Variants in RARB observed in about 807,000 individuals in gnomAD.
The protein encoded by RARB is HBV-activated protein.
In RARB, 17 loss-of-function variants were observed where a neutral mutation model predicts 51.9. The ratio of observed to expected loss-of-function variants is 0.33; its 90% CI spans 0.22 to 0.49. The LOEUF (loss-of-function observed/expected upper bound fraction) is 0.49. Among genes scored for constraint, RARB ranks in the 20% least tolerant of loss-of-function variants. The pLI is 0.99. For synonymous variants in RARB, 215 were observed against 195.4 expected, an observed-to-expected ratio of 1.10 and a Z score of -0.84; for missense variants, 369 against 550.8, an observed-to-expected ratio of 0.67 and a Z score of 3.30.
Position 25,460,879 on chromosome 3 carries a change from C to T in RARB, c.158-314C>T, listed in dbSNP as rs189667868. On this transcript the variant is annotated intron_variant, in intron 1 of 7. Coordinates refer to ENST00000330688, the MANE Select transcript of RARB (RefSeq NM_000965.5). ...CACTGCTCTGCTGGTCTTAGTTAGA[C>T]AAGTCACTTCCTTCCTTTGAGTTTC... Among the ~76,000 whole-genome samples, 5 of 152,282 alleles carry T rather than the reference C, an allele frequency of 3.3e-5. No homozygotes were observed. In the East Asian group the frequency reaches 9.6e-4, roughly 29 times the overall value.
intron 2 of RARB, among the ~76,000 whole-genome samples, chr3:24,887,621 G>A (rs1362120504): frequency 6.6e-6 from 1 of 152,206 alleles, no homozygotes; most frequent in African/African-American, 2.4e-5. Context: ...CTGTAGGCCA[G>A]CTTCTAGAAT....
Position 25,501,419 on chromosome 3 carries a change from G to A in RARB, c.448+96G>A, listed in dbSNP as rs149178059. The A allele has an allele frequency of 1.0e-3, 1,478 of 1,461,880 alleles. 20 individuals are homozygous for A. The East Asian group carries it at 0.026, about 26-fold the overall frequency. The allele number at this position is 1,461,880 out of a possible 1,614,324, so 90.6% of individuals were successfully genotyped here. On this transcript the variant is annotated intron_variant, in intron 3 of 7. Transcript: ENST00000330688. ...TGTGGAATTCACACACGACACTAACGAAATCTTGCCAAGGGTAGGTGTGAA... is the reference window on the plus strand; with the variant it reads ...TGTGGAATTCACACACGACACTAACAAAATCTTGCCAAGGGTAGGTGTGAA...
At chr3:25,046,110 C>G (rs1698208004) in intron 2 of RARB, among the ~76,000 whole-genome samples, 2 of 152,146 alleles carry the variant, frequency 1.3e-5, no homozygotes, top group African/African-American at 4.8e-5. Context: ...TGCAAACCCA[C>G]CATTTCTGGG....
intron 5 of RARB, among the ~76,000 whole-genome samples, chr3:25,341,537 G>A (rs1404150421): frequency 3.3e-5 from 5 of 152,126 alleles, no homozygotes; most frequent in African/African-American, 1.2e-4. Flanking sequence ...AAGGGTTGGG[G>A]TGAAAGATGG....
intron 2 of RARB, among the ~76,000 whole-genome samples, chr3:24,872,386 C>T (rs191067563): frequency 2.0e-4 from 31 of 152,296 alleles, no homozygotes; most frequent in Non-Finnish European, 3.4e-4. Context: ...CAAATCTCAC[C>T]TTCTCTATTA....
intron 3 of RARB, among the ~76,000 whole-genome samples, chr3:25,101,874 G>T (rs1426769226): frequency 6.6e-6 from 1 of 151,438 alleles, no homozygotes; most frequent in Non-Finnish European, 1.5e-5. Context: ...TTTATATCTT[G>T]GCTGCTCTAT....
At position 25,428,352 on chromosome 3, in the gene RARB, T is replaced by C. The variant is rs1708061895; in HGVS notation, c.-380T>C. On this transcript the variant is annotated 5_prime_UTR_variant, in exon 1 of 8. Transcript: ENST00000330688. Reference sequence around the variant, plus strand: ...GACCAGAATTCCCCCATGCGAGCTGTTTGAGGACTGGGATGCCGAGAACGC... The same window carrying C: ...GACCAGAATTCCCCCATGCGAGCTGCTTGAGGACTGGGATGCCGAGAACGC... 8.0e-7 allele frequency: 1 copy of C among 1,245,074 alleles called. No homozygotes were observed. The highest frequency in any genetic ancestry group is 1.5e-5 in the African/African-American group (1 of 64,794). 77.1% of individuals were successfully genotyped at this position (1,245,074 alleles called of 1,614,324 possible).
chr3:25,339,337 TG>T (rs1285736707), intron 5 of RARB, among the ~76,000 whole-genome samples: 1 of 152,214 alleles, frequency 6.6e-6, no homozygotes, highest in Non-Finnish European at 1.5e-5. Flanking sequence ...TCACTGAGTT[TG>T]GCCAGTCAAA....
At chr3:25,573,993 G>A (rs938844880) in intron 4 of RARB, among the ~76,000 whole-genome samples, 2 of 152,158 alleles carry the variant, frequency 1.3e-5, no homozygotes, top group Non-Finnish European at 1.5e-5. Flanking sequence ...TTCAGAGCTA[G>A]TATCCCTGGG....
At chr3:25,229,046 G>A (rs1702119205) in intron 5 of RARB, among the ~76,000 whole-genome samples, 1 of 152,064 alleles carries the variant, frequency 6.6e-6, no homozygotes, top group Admixed American at 6.6e-5. Flanking sequence ...ACTCTTCTAA[G>A]GGATCGACTA....
chr3:25,394,815 A>C (rs1405446641), intron 5 of RARB, among the ~76,000 whole-genome samples: 1 of 152,132 alleles, frequency 6.6e-6, no homozygotes, highest in African/African-American at 2.4e-5. Flanking sequence ...GAGTCTCTAG[A>C]AGGCAGCAGA....
intron 2 of RARB, among the ~76,000 whole-genome samples, chr3:24,859,620 A>C (rs1341914527): frequency 6.6e-6 from 1 of 152,192 alleles, no homozygotes; most frequent in African/African-American, 2.4e-5. Context: ...TGCTTTGCTT[A>C]GTCATTAAGG....
At chr3:25,477,403 G>T (rs772120032) in intron 2 of RARB, among the ~76,000 whole-genome samples, 2 of 152,098 alleles carry the variant, frequency 1.3e-5, no homozygotes, top group African/African-American at 2.4e-5. Flanking sequence ...TTTACACAAT[G>T]GTTGAACTTA....
At chr3:25,035,523 T>C (rs920317707) in intron 2 of RARB, among the ~76,000 whole-genome samples, 20 of 149,636 alleles carry the variant, frequency 1.3e-4, no homozygotes, top group Admixed American at 8.7e-4. Context: ...CTGAGATACA[T>C]TGAAGGAAGT....
chr3:25,184,956 T>C (rs1166207702), intron 5 of RARB, among the ~76,000 whole-genome samples: 5 of 152,304 alleles, frequency 3.3e-5, no homozygotes, highest in African/African-American at 9.6e-5. Context: ...TTATTATCCA[T>C]GCTTTGCGGC....
intron 2 of RARB, among the ~76,000 whole-genome samples, chr3:25,028,592 A>T (rs1261646594): frequency 6.6e-6 from 1 of 152,150 alleles, no homozygotes; most frequent in Non-Finnish European, 1.5e-5. Context: ...TGGATTTTAG[A>T]AGAGGGAGAA....
intron 2 of RARB, among the ~76,000 whole-genome samples, chr3:24,930,229 G>A (rs774047062): frequency 6.6e-6 from 1 of 152,078 alleles, no homozygotes; most frequent in Admixed American, 6.6e-5. Flanking sequence ...TAGGCAGAAT[G>A]TAGAGAGCTC....
At chr3:25,528,739 A>T (rs1284580029) in intron 3 of RARB, among the ~76,000 whole-genome samples, 1 of 150,504 alleles carries the variant, frequency 6.6e-6, no homozygotes, top group Non-Finnish European at 1.5e-5. Context: ...GAGAAAAAAG[A>T]TTCTTATTTC....
chr3:24,979,927 A>G (rs944747614), intron 2 of RARB, among the ~76,000 whole-genome samples: 2 of 151,216 alleles, frequency 1.3e-5, no homozygotes, highest in Admixed American at 6.6e-5. Context: ...CTTTATTTCC[A>G]CATGCTTCCT....
Sources: gnomAD v4.1 joint callset for allele counts (sites outside exome capture counted in the v4.1 genomes callset) on GRCh38, gnomAD v4.1.1 for gene constraint, MANE v1.5 for transcripts, NCBI Gene and HGNC (gene_info 2026-07-23, HGNC 2026-07-21) for gene names.